Variants in SDK1 observed in about 807,000 individuals in gnomAD.
SDK1 encodes protein sidekick-1.
A neutral mutation model predicts 245.5 loss-of-function variants in SDK1; 157 were observed. That is an observed-to-expected ratio of 0.64 (90% CI 0.56 to 0.73). The LOEUF (loss-of-function observed/expected upper bound fraction) is 0.73, where lower values mean the gene tolerates loss of function less well. Ranked by LOEUF, SDK1 falls within the 30% of genes least tolerant of loss-of-function variation. The pLI is 0.00. For missense variants in SDK1, 3,583 were observed against 3,002.3 expected (o/e 1.19, Z -4.52); for synonymous variants, 1,647 against 1,278.5 (o/e 1.29, Z -6.15).
At chr7:4,010,855 G>C (rs1785889282) in intron 14 of SDK1, 111 bp from the exon 15 acceptor site, 1 of 1,099,352 alleles carries the variant, frequency 9.1e-7, no homozygotes, top group Admixed American at 2.1e-5. Context: ...TTCTCCTAGA[G>C]CTGTCCTGCT....
chr7:3,590,738 T>G (rs1249696001), intron 1 of SDK1, among the ~76,000 whole-genome samples: 1 of 151,738 alleles, frequency 6.6e-6, no homozygotes, highest in Non-Finnish European at 1.5e-5. Context: ...CTGCTGGACC[T>G]TTAGATTTAA....
chr7:4,016,840 A>G (rs1418339848), intron 16 of SDK1, among the ~76,000 whole-genome samples: 2 of 152,186 alleles, frequency 1.3e-5, no homozygotes, highest in Admixed American at 6.5e-5. Context: ...GATTTACAGC[A>G]ACTCCCCGAT....
chr7:4,194,325 C>CACGTATGTGTATACATGTATACGTATAT (rs1783432101), intron 35 of SDK1, among the ~76,000 whole-genome samples: 8 of 108,552 alleles, frequency 7.4e-5, no homozygotes, highest in South Asian at 3.0e-4. Context: ...TATATGTATG[C>CACGTATGTGTATACATGTATACGTATAT]ACGTATGTGT....
chr7:4,132,416 C>G lies in SDK1; in HGVS notation c.4221C>G (p.Ile1407Met). Residue 1407 changes from isoleucine (I) to methionine (M), a missense_variant, in exon 28 of 45, where the codon ATC becomes ATG. Physicochemically the swap from Ile to Met is conservative, Grantham distance 10 (BLOSUM62 1). Coordinates refer to ENST00000404826, the MANE Select transcript of SDK1 (RefSeq NM_152744.4). ...AACCTCCGGAGGAGCCCAACGGCATCATCCTGGGTAAGGGAGCGGCGGTGG... is the reference window on the plus strand; with the variant it reads ...AACCTCCGGAGGAGCCCAACGGCATGATCCTGGGTAAGGGAGCGGCGGTGG... ...VWQPPEEPNGIILGYQIAYRL... is the reference protein window; with the variant it reads ...VWQPPEEPNGMILGYQIAYRL... The G allele has an allele frequency of 6.2e-7, 1 of 1,610,006 alleles. No individual in the cohort carries two copies. The highest frequency in any genetic ancestry group is 1.1e-5 in the South Asian group (1 of 90,778).
At chr7:4,150,268 T>C (rs1351750314) in intron 30 of SDK1, among the ~76,000 whole-genome samples, 13 of 152,142 alleles carry the variant, frequency 8.5e-5, no homozygotes, top group African/African-American at 3.1e-4. Flanking sequence ...GACACCCGCC[T>C]TGTGCTTCTC....
At chr7:3,621,361 C>T (rs1781933235) in intron 2 of SDK1, among the ~76,000 whole-genome samples, 1 of 152,086 alleles carries the variant, frequency 6.6e-6, no homozygotes, top group African/African-American at 2.4e-5. Context: ...AAAATGAGTA[C>T]AGTAAGGCCC....
chr7:3,761,698 C>A (rs994040256), intron 4 of SDK1, among the ~76,000 whole-genome samples: 2 of 151,676 alleles, frequency 1.3e-5, no homozygotes, highest in African/African-American at 4.8e-5. Flanking sequence ...AGTTTTGATA[C>A]AAGTTTGATT....
At chr7:3,587,707 G>C (rs1211466037) in intron 1 of SDK1, among the ~76,000 whole-genome samples, 2 of 152,200 alleles carry the variant, frequency 1.3e-5, no homozygotes, top group Non-Finnish European at 2.9e-5. Context: ...ACACACCCAG[G>C]AATGATGTTT....
chr7:4,033,286 T>C (rs1024707685), intron 17 of SDK1, among the ~76,000 whole-genome samples: 3 of 152,206 alleles, frequency 2.0e-5, no homozygotes, highest in Admixed American at 2.0e-4. Flanking sequence ...ATCCATTCCC[T>C]ACCCCCATAT....
intron 5 of SDK1, among the ~76,000 whole-genome samples, chr7:3,846,821 G>T (rs1030293485): frequency 5.3e-5 from 8 of 151,888 alleles, no homozygotes; most frequent in Non-Finnish European, 1.0e-4. Context: ...CCGCTACGAG[G>T]GGCAGCAGCA....
intron 1 of SDK1, among the ~76,000 whole-genome samples, chr7:3,546,295 T>A (rs1779223508): frequency 6.6e-6 from 1 of 152,116 alleles, no homozygotes; most frequent in African/African-American, 2.4e-5. Flanking sequence ...TGGGTGTGAA[T>A]CCTCCATGCT....
At chr7:3,357,421 C>T (rs1476553784) in intron 1 of SDK1, among the ~76,000 whole-genome samples, 1 of 138,196 alleles carries the variant, frequency 7.2e-6, no homozygotes, top group Admixed American at 7.9e-5. Context: ...GCGATCACGG[C>T]TCACTGCAGC....
chr7:3,896,336 G>A (rs1017999379), intron 5 of SDK1, among the ~76,000 whole-genome samples: 20 of 152,132 alleles, frequency 1.3e-4, no homozygotes, highest in Admixed American at 1.2e-3. Flanking sequence ...ATGCATGAGC[G>A]CTGGTAGGAG....
intron 1 of SDK1, among the ~76,000 whole-genome samples, chr7:3,313,714 T>G (rs574425541): frequency 6.6e-6 from 1 of 152,176 alleles, no homozygotes; most frequent in Non-Finnish European, 1.5e-5. Context: ...AAATTTCATT[T>G]AGAAGGAATA....
chr7:3,588,484 A>T (rs993608747), intron 1 of SDK1, among the ~76,000 whole-genome samples: 1 of 152,182 alleles, frequency 6.6e-6, no homozygotes, highest in South Asian at 2.1e-4. Context: ...CGAAGTGTTT[A>T]GTTTTTCTTC....
At chr7:4,110,427 C>T (rs574689395) in intron 22 of SDK1, among the ~76,000 whole-genome samples, 22 of 152,286 alleles carry the variant, frequency 1.4e-4, no homozygotes, top group Admixed American at 1.1e-3. Context: ...CTTCTGTGGC[C>T]CAGTTCTTGA....
intron 32 of SDK1, among the ~76,000 whole-genome samples, chr7:4,162,369 GTTATTATTATTATTATTATTA>G (rs533484732): frequency 1.1e-4 from 14 of 128,392 alleles, no homozygotes; most frequent in African/African-American, 2.8e-4. Flanking sequence ...TGTTGTTGTT[GTTATTATTATTATTATTATTA>G]TTATTATTAT....
intron 5 of SDK1, among the ~76,000 whole-genome samples, chr7:3,865,691 T>C (rs1292295966): frequency 6.6e-6 from 1 of 151,806 alleles, no homozygotes; most frequent in African/African-American, 2.4e-5. Context: ...TTCTTTTTTT[T>C]TTTTTTAGAA....
intron 1 of SDK1, among the ~76,000 whole-genome samples, chr7:3,466,360 G>A (rs1468872734): frequency 2.0e-5 from 3 of 150,870 alleles, no homozygotes; most frequent in Non-Finnish European, 2.9e-5. Context: ...AATAGGAAGC[G>A]TGACATCAAG....
Sources: gnomAD v4.1 joint callset for allele counts (sites outside exome capture counted in the v4.1 genomes callset) on GRCh38, gnomAD v4.1.1 for gene constraint, MANE v1.5 for transcripts, NCBI Gene and HGNC (gene_info 2026-07-23, HGNC 2026-07-21) for gene names.